KANSL1: variants seen among roughly 807,000 people sequenced by gnomAD.
KANSL1 encodes MLL1/MLL complex subunit KANSL1.
Under a neutral mutation model 103.6 loss-of-function variants are expected in KANSL1, and 22 were observed. The ratio of observed to expected loss-of-function variants is 0.21; its 90% confidence interval spans 0.15 to 0.30. The LOEUF (loss-of-function observed/expected upper bound fraction) is 0.30. KANSL1 is among the 10% of genes least tolerant of loss of function. The pLI, the probability that KANSL1 is intolerant of heterozygous loss-of-function variation, is 1.00. For synonymous variants in KANSL1, 600 were observed against 527.6 expected, an observed-to-expected ratio of 1.14 and a Z score of -1.88; for missense variants, 1,337 against 1,399.8, an observed-to-expected ratio of 0.96 and a Z score of 0.72.
intron 1 of KANSL1, among the ~76,000 whole-genome samples, chr17:46,186,327 G>C (rs1219281380): frequency 6.6e-6 from 1 of 151,346 alleles, no homozygotes; most frequent in East Asian, 1.9e-4. Flanking sequence ...AGCTTGCAGT[G>C]AGCTGAGATC....
intron 13 of KANSL1, 90 bp downstream of exon 13, chr17:46,032,990 G>C: frequency 1.1e-6 from 1 of 949,282 alleles, no homozygotes; most frequent in African/African-American, 1.6e-5. Context: ...CAACCAAGAG[G>C]CAGTAGCAAT....
intron 2 of KANSL1, among the ~76,000 whole-genome samples, chr17:46,105,712 A>T (rs566749035): frequency 5.9e-5 from 9 of 152,264 alleles, no homozygotes; most frequent in African/African-American, 2.2e-4. Context: ...TCTACAAAAA[A>T]ATACAAAAAT....
chr17:46,219,244 G>T, intron 1 of KANSL1, among the ~76,000 whole-genome samples: 2 of 122,974 alleles, frequency 1.6e-5, no homozygotes. Context: ...CGAGACTCTT[G>T]TCTCATAAAA....
intron 4 of KANSL1, among the ~76,000 whole-genome samples, chr17:46,070,238 G>A (rs2078525936): frequency 6.6e-6 from 1 of 151,816 alleles, no homozygotes; most frequent in African/African-American, 2.4e-5. Context: ...TATCAGTTGT[G>A]GTACACCAAA....
chr17:46,058,934 C>T (rs1211632614), intron 6 of KANSL1, among the ~76,000 whole-genome samples: 3 of 151,948 alleles, frequency 2.0e-5, no homozygotes, highest in Non-Finnish European at 4.4e-5. Context: ...TGTCTGTAAT[C>T]TCAGCTACTT....
chr17:46,039,924 C>T (rs746960601), intron 7 of KANSL1, 40 bp from the exon 8 acceptor site: 2 of 1,588,094 alleles, frequency 1.3e-6, no homozygotes, highest in South Asian at 1.1e-5. Context: ...GTCCAAACAC[C>T]TGGCCTCTCT....
chr17:46,080,004 AAGAG>A (rs1228523299), intron 4 of KANSL1, among the ~76,000 whole-genome samples: 1 of 151,884 alleles, frequency 6.6e-6, no homozygotes, highest in Non-Finnish European at 1.5e-5. Context: ...AGAGAAAAAG[AAGAG>A]AGAGGGGAGA....
chr17:46,056,610 G>T (rs983918902), intron 6 of KANSL1, among the ~76,000 whole-genome samples: 1 of 132,210 alleles, frequency 7.6e-6, no homozygotes, highest in East Asian at 1.9e-4. Context: ...CATCAAACTT[G>T]ATAGAACATT....
intron 7 of KANSL1, chr17:46,046,241 C>T (rs2077499625): frequency 6.6e-6 from 1 of 152,160 alleles, no homozygotes; most frequent in Non-Finnish European, 1.5e-5. Flanking sequence ...TAACACCTTA[C>T]AAAATTTCTG....
chr17:46,120,545 T>C (rs1430049400), intron 2 of KANSL1, among the ~76,000 whole-genome samples: 1 of 152,138 alleles, frequency 6.6e-6, no homozygotes, highest in African/African-American at 2.4e-5. Flanking sequence ...TGTCACTAAA[T>C]AAAAGACAGA....
In KANSL1 at chr17:46,128,874, G is replaced by A. The variant is rs2043705999; in HGVS notation, c.1290-34173C>T. ...GGAAGCCTTTGAAGAACTTTGAGGA[G>A]GGACACGGATGTGTTATCGACACAC... On this transcript the variant is annotated intron_variant, in intron 2 of 14. Transcript: ENST00000432791. 2.0e-5 allele frequency among the ~76,000 whole-genome samples: 3 copies of A among 152,154 alleles called. No homozygotes were observed. In the South Asian group the frequency reaches 6.2e-4, roughly 32 times the overall value.
At chr17:46,079,698 C>T (rs979204920) in intron 4 of KANSL1, among the ~76,000 whole-genome samples, 1 of 152,188 alleles carries the variant, frequency 6.6e-6, no homozygotes, top group African/African-American at 2.4e-5. Flanking sequence ...TATGTCTAGG[C>T]TGGTGCAGTG....
chr17:46,094,627 T>C lies in KANSL1; in HGVS notation c.1364A>G (p.His455Arg), dbSNP rs1057521224. Residue 455 changes from histidine (H) to arginine (R), a missense_variant, in exon 3 of 15, where the codon CAT (histidine) becomes CGT (arginine). Transcript: ENST00000432791. ...IVSRWNWLQAHVSDLEYRIRQ... is the reference protein window; with the variant it reads ...IVSRWNWLQARVSDLEYRIRQ... ...AATTCGATATTCCAAGTCAGAAACATGAGCCTGAAGCCAGTTCCAGCGGCT... is the reference window on the plus strand; with the variant it reads ...AATTCGATATTCCAAGTCAGAAACACGAGCCTGAAGCCAGTTCCAGCGGCT... 1.2e-6 allele frequency: 2 copies of C among 1,614,196 alleles called. No individual in the cohort carries two copies. Among genetic ancestry groups the C allele is most frequent in the African/African-American group, 1.3e-5 (1 of 75,044 alleles).
intron 1 of KANSL1, among the ~76,000 whole-genome samples, chr17:46,212,861 G>A (rs1325182653): frequency 1.3e-5 from 2 of 152,194 alleles, no homozygotes; most frequent in East Asian, 1.9e-4. Context: ...ACAGTCAACT[G>A]TAAATCTGAT....
intron 12 of KANSL1, 85 bp from the exon 13 acceptor site, chr17:46,033,277 C>T (rs1034071503): frequency 4.2e-5 from 60 of 1,432,856 alleles, no homozygotes; most frequent in Non-Finnish European, 5.3e-5. Flanking sequence ...TTCCCGGTCA[C>T]GACAGGAATA....
Position 46,050,605 on chromosome 17 carries a change from A to C in KANSL1, c.1948T>G (p.Tyr650Asp). The change falls in exon 7 of 15, where the codon TAT becomes GAT. Residue 650 changes from tyrosine (Y) to aspartate (D), a missense_variant. Tyr to Asp is a radical substitution (Grantham distance 160, BLOSUM62 -3). Transcript: ENST00000432791. The part of the protein sequence containing the change: ...SINTMPPEIH[Y>D]EAPLLERLSQ... ...AGACGTTCCAACAGAGGGGCTTCAT[A>C]GTGAATTTCGGGAGGCATGGTGTTG... is the stretch of plus-strand genomic sequence containing the variant. The C allele has an allele frequency of 6.2e-7, 1 of 1,614,190 alleles. No homozygotes were observed. The highest frequency in any genetic ancestry group is 8.5e-7 in the Non-Finnish European group (1 of 1,180,024).
chr17:46,031,659 A>G lies in KANSL1; in HGVS notation c.3135T>C (p.Ser1045=), dbSNP rs1358314980. 6.2e-7 allele frequency: 1 copy of G among 1,611,930 alleles called. No homozygotes were observed. The highest frequency in any genetic ancestry group is 1.3e-5 in the African/African-American group (1 of 74,986). The stretch of plus-strand genomic sequence containing the variant: ...GCTGGTCCTCACACTCCGCCTGGGG[A>G]CTGTGCGCCAGGGGGAAGGTCCGCC... ...WERRTFPLAH[S]PQAECEDQLD... Residue 1045 remains serine, a synonymous_variant, in exon 15 of 15, where the codon AGT becomes AGC. Coordinates refer to ENST00000432791, the MANE Select transcript of KANSL1 (RefSeq NM_015443.4).
At chr17:46,149,316 A>G (rs1419943904) in intron 2 of KANSL1, among the ~76,000 whole-genome samples, 1 of 152,128 alleles carries the variant, frequency 6.6e-6, no homozygotes, top group Non-Finnish European at 1.5e-5. Flanking sequence ...CTTTTTTTCT[A>G]CTAGGGCTAT....
intron 4 of KANSL1, among the ~76,000 whole-genome samples, chr17:46,069,655 G>C (rs1285416493): frequency 6.6e-6 from 1 of 152,132 alleles, no homozygotes; most frequent in Non-Finnish European, 1.5e-5. Flanking sequence ...TGAGGCACAA[G>C]AATCACTTGA....
Sources: gnomAD v4.1 joint callset for allele counts (sites outside exome capture counted in the v4.1 genomes callset) on GRCh38, gnomAD v4.1.1 for gene constraint, MANE v1.5 for transcripts, NCBI Gene and HGNC (gene_info 2026-07-23, HGNC 2026-07-21) for gene names.